The following NUDT4 variants were observed in gnomAD, a reference collection of about 807,000 sequenced individuals.
NUDT4 encodes diphosphoinositol polyphosphate phosphohydrolase 2.
NUDT4 carries 5 observed loss-of-function variants against 23.1 expected under a neutral mutation model. The ratio of observed to expected loss-of-function variants is 0.22; its 90% confidence interval spans 0.11 to 0.46. The LOEUF is 0.46. NUDT4 is among the 20% of genes least tolerant of loss of function. The probability of loss-of-function intolerance (pLI) is 0.99; values close to 1 mark genes in which losing one functional copy is unlikely to be tolerated. For synonymous variants in NUDT4, 50 were observed against 79.0 expected (o/e 0.63, Z 1.95); for missense variants, 96 against 211.6 (o/e 0.45, Z 3.39).
intron 4 of NUDT4, 103 bp from the exon 5 acceptor site, chr12:93,399,074 A>G (rs2120979046): frequency 2.4e-6 from 2 of 827,100 alleles, no homozygotes; most frequent in East Asian, 5.1e-5. Flanking sequence ...ATTCCCCAAC[A>G]TATTGTTGTC....
chr12:93,388,223 C>CAT (rs1172173865), intron 1 of NUDT4, among the ~76,000 whole-genome samples: 7 of 152,182 alleles, frequency 4.6e-5, no homozygotes, highest in Non-Finnish European at 1.0e-4. Flanking sequence ...CCTGAGATGT[C>CAT]AAGGGACTCT....
intron 1 of NUDT4, among the ~76,000 whole-genome samples, chr12:93,386,249 G>C (rs1876087927): frequency 6.6e-6 from 1 of 151,998 alleles, no homozygotes; most frequent in South Asian, 2.1e-4. Context: ...CCGGGATTAC[G>C]GGTGTGAGCC....
Position 93,391,275 on chromosome 12 carries a change from G to A in NUDT4, c.100-3334G>A, listed in dbSNP as rs75702578. 3.9e-3 allele frequency among the ~76,000 whole-genome samples: 594 copies of A among 151,980 alleles called. 4 individuals are homozygous for A. Among genetic ancestry groups the A allele is most frequent in the African/African-American group, 0.012 (486 of 41,444 alleles). ...AGACCCCACCTCTACAAAATAATAC[G>A]AAAATCAGACTGGGCATGGTGGCTT... On this transcript the variant is annotated intron_variant, in intron 1 of 4. Transcript: ENST00000415493.
intron 1 of NUDT4, among the ~76,000 whole-genome samples, chr12:93,390,726 C>T (rs79269983): frequency 6.6e-6 from 1 of 152,070 alleles, no homozygotes; most frequent in African/African-American, 2.4e-5. Flanking sequence ...CCACCACAGC[C>T]TCCTGAGTAG....
chr12:93,378,458 G>T, intron 1 of NUDT4, 37 bp downstream of exon 1: 2 of 1,517,964 alleles, frequency 1.3e-6, no homozygotes, highest in Middle Eastern at 2.3e-4. Flanking sequence ...CCTCCGGGGC[G>T]CCGGGGTCTA....
At chr12:93,380,490 A>G (rs908950382) in intron 1 of NUDT4, among the ~76,000 whole-genome samples, 3 of 152,228 alleles carry the variant, frequency 2.0e-5, no homozygotes, top group African/African-American at 7.2e-5. Context: ...TGGAGAATGT[A>G]TTAGAAAAAT....
chr12:93,379,135 A>AG (rs1433793690), intron 1 of NUDT4, among the ~76,000 whole-genome samples: 2 of 152,198 alleles, frequency 1.3e-5, no homozygotes, highest in Non-Finnish European at 2.9e-5. Flanking sequence ...TTATGTATAA[A>AG]GGGTTCTTTG....
At chr12:93,379,154 CTTGACATCTGG>C (rs1311409347) in intron 1 of NUDT4, among the ~76,000 whole-genome samples, 5 of 152,296 alleles carry the variant, frequency 3.3e-5, no homozygotes, top group African/African-American at 1.2e-4. Flanking sequence ...TGCTGTCTGG[CTTGACATCTGG>C]AAAGGAGTAG....
chr12:93,393,226 C>T (rs1331100555), intron 1 of NUDT4, among the ~76,000 whole-genome samples: 1 of 145,322 alleles, frequency 6.9e-6, no homozygotes, highest in Non-Finnish European at 1.5e-5. Context: ...CTCAGTCTCC[C>T]GATTAGCTGG....
chr12:93,402,384 A>G lies in NUDT4; in HGVS notation c.*3005A>G, dbSNP rs547983940. On this transcript the variant is annotated 3_prime_UTR_variant, in exon 5 of 5. Transcript: ENST00000415493. ...TATGCTTTTAACTTTGAAATGTATAAACACCCAGCGGAAACGTATACCTTT... is the reference window on the plus strand; with the variant it reads ...TATGCTTTTAACTTTGAAATGTATAGACACCCAGCGGAAACGTATACCTTT... The G allele has an allele frequency of 6.6e-6, 1 of 152,276 alleles. No individual in the cohort carries two copies. The highest frequency in any genetic ancestry group is 2.4e-5 in the African/African-American group (1 of 41,566). The allele number at this position is 152,276 out of a possible 1,614,324, so 9.4% of individuals were successfully genotyped here.
At chr12:93,384,527 A>G (rs1291694942) in intron 1 of NUDT4, among the ~76,000 whole-genome samples, 1 of 152,164 alleles carries the variant, frequency 6.6e-6, no homozygotes, top group Non-Finnish European at 1.5e-5. Flanking sequence ...TGGGCCACAC[A>G]TAAAATACAC....
chr12:93,380,292 G>A (rs1875563875), intron 1 of NUDT4, among the ~76,000 whole-genome samples: 1 of 152,178 alleles, frequency 6.6e-6, no homozygotes, highest in South Asian at 2.1e-4. Flanking sequence ...AAATTGAAAT[G>A]ATGATCTCTA....
At chr12:93,384,817 C>T (rs926434462) in intron 1 of NUDT4, among the ~76,000 whole-genome samples, 1 of 151,836 alleles carries the variant, frequency 6.6e-6, no homozygotes, top group African/African-American at 2.4e-5. Context: ...AGTGCAGAGG[C>T]GTGACCTCAG....
Position 93,395,475 on chromosome 12 carries a change from T to A in NUDT4, c.211-14T>A. On this transcript the variant is annotated splice_polypyrimidine_tract_variant and intron_variant, in intron 2 of 4. Transcript: ENST00000415493. ...AAAAAGGTAAACATTTTATATTTCA[T>A]CTTTTTTTAATAGGCTGGAGTCAAA... The A allele has an allele frequency of 6.3e-7, 1 of 1,584,376 alleles. No homozygotes were observed. The highest frequency in any genetic ancestry group is 8.7e-7 in the Non-Finnish European group (1 of 1,153,372).
chr12:93,382,699 CAG>C (rs1430379801), intron 1 of NUDT4, among the ~76,000 whole-genome samples: 1 of 79,254 alleles, frequency 1.3e-5, no homozygotes, highest in Non-Finnish European at 2.5e-5. Flanking sequence ...TTTTTTGAGA[CAG>C]AGTCTCGCTC....
chr12:93,404,510 G>C lies in NUDT4; in HGVS notation c.*5131G>C, dbSNP rs906346120. On this transcript the variant is annotated 3_prime_UTR_variant, in exon 5 of 5. Coordinates refer to ENST00000415493, the MANE Select transcript of NUDT4 (RefSeq NM_019094.6). The stretch of plus-strand genomic sequence containing the variant: ...ACAAATGGACAAGTTGCACAACCAA[G>C]CTATGGTCAAATATGTGTGTTGTAG... The C allele has an allele frequency of 6.6e-6, 1 of 152,160 alleles. No individual in the cohort carries two copies. The highest frequency in any genetic ancestry group is 1.5e-5 in the Non-Finnish European group (1 of 68,038). The allele number at this position is 152,160 out of a possible 1,614,324, so 9.4% of individuals were successfully genotyped here.
chr12:93,381,909 T>C (rs912743769), intron 1 of NUDT4, among the ~76,000 whole-genome samples: 4 of 152,212 alleles, frequency 2.6e-5, no homozygotes, highest in East Asian at 1.9e-4. Context: ...GACTTGATCC[T>C]GTGTGAAATC....
At chr12:93,385,942 TA>T (rs63126563) in intron 1 of NUDT4, among the ~76,000 whole-genome samples, 9,150 of 37,686 alleles carry the variant, frequency 0.24, 479 homozygotes, top group South Asian at 0.36. Flanking sequence ...TAAATCTTTT[TA>T]TATATATATA....
rs1029852939 is a variant in NUDT4, at chr12:93,404,698, T to C, written c.*5319T>C. ...CACTACTAGACAGAACTACCTGTTT[T>C]ATGCATGTATTGGCATACACTGAAA... On this transcript the variant is annotated 3_prime_UTR_variant, in exon 5 of 5. Transcript: ENST00000415493. 3.3e-5 allele frequency: 5 copies of C among 152,194 alleles called. No individual in the cohort carries two copies. The highest frequency in any genetic ancestry group is 9.6e-5 in the African/African-American group (4 of 41,452). 9.4% of individuals were successfully genotyped at this position (152,194 alleles called of 1,614,324 possible). A position where few individuals can be genotyped will look rare whatever the true frequency, so the allele number is the denominator to read the frequency against.
Sources: allele counts gnomAD v4.1 joint callset (sites outside exome capture counted in the v4.1 genomes callset), GRCh38; gene constraint gnomAD v4.1.1; transcripts MANE v1.5; gene names NCBI Gene and HGNC (gene_info 2026-07-23, HGNC 2026-07-21).